PREX1: variants seen among roughly 807,000 people sequenced by gnomAD.
PREX1 encodes phosphatidylinositol 3,4,5-trisphosphate-dependent Rac exchanger 1 protein.
Under a neutral mutation model 198.3 loss-of-function variants are expected in PREX1, and 41 were observed. The ratio of observed to expected loss-of-function variants is 0.21; its 90% CI spans 0.16 to 0.27. PREX1 has a LOEUF of 0.27. Among genes scored for constraint, PREX1 ranks in the 10% least tolerant of loss-of-function variants. The pLI is 1.00. For missense variants in PREX1, 1,620 were observed against 2,200.7 expected (o/e 0.74, Z 5.28); for synonymous variants, 843 against 887.2 (o/e 0.95, Z 0.89).
the PREX1 span, among the ~76,000 whole-genome samples, chr20:48,840,568 C>G: frequency 6.6e-6 from 1 of 152,244 alleles, no homozygotes; most frequent in South Asian, 2.1e-4. Flanking sequence ...CAGAGACATT[C>G]AGGTGTGTGG....
chr20:48,886,418 A>G, the PREX1 span, among the ~76,000 whole-genome samples: 9 of 151,958 alleles, frequency 5.9e-5, no homozygotes, highest in Admixed American at 5.9e-4. Context: ...AGCCTGGCAC[A>G]CCCCCAGGCG....
chr20:48,782,442 G>A (rs1291894369), intron 1 of PREX1, among the ~76,000 whole-genome samples: 1 of 152,148 alleles, frequency 6.6e-6, no homozygotes, highest in Non-Finnish European at 1.5e-5. Flanking sequence ...GAAACTGTGA[G>A]TCCATTAAAC....
At chr20:48,688,585 G>A in intron 10 of PREX1, 72 bp downstream of exon 10, 1 of 1,589,182 alleles carries the variant, frequency 6.3e-7, no homozygotes, top group Non-Finnish European at 8.6e-7. Flanking sequence ...CTGCATGGGT[G>A]GATGGGGATG....
rs184619378 is a variant in PREX1 at position 48,823,001 on chromosome 20, A to T, written c.219+4641T>A. Among the ~76,000 whole-genome samples, 11 of 152,314 alleles carry T rather than the reference A, an allele frequency of 7.2e-5. No individual in the cohort carries two copies. The East Asian group carries it at 1.7e-3, about 24-fold the overall frequency. ...AGAATCTTTTAAAACAGAAAAAAAA[A>T]TAGTGACAACAAAAAACCACAGTTT... On this transcript the variant is annotated intron_variant, in intron 1 of 39. Transcript: ENST00000371941.
chr20:48,734,161 C>T (rs1052438175), intron 4 of PREX1, among the ~76,000 whole-genome samples: 2 of 152,214 alleles, frequency 1.3e-5, no homozygotes, highest in African/African-American at 2.4e-5. Context: ...AATTACTACT[C>T]TTGCTGCCAT....
chr20:48,790,914 T>C (rs549819612), intron 1 of PREX1, among the ~76,000 whole-genome samples: 13 of 152,146 alleles, frequency 8.5e-5, no homozygotes, highest in Non-Finnish European at 1.9e-4. Context: ...TGCTTACCTC[T>C]ACCCACCCTG....
the PREX1 span, among the ~76,000 whole-genome samples, chr20:48,835,923 G>A: frequency 6.6e-6 from 1 of 152,186 alleles, no homozygotes; most frequent in African/African-American, 2.4e-5. Flanking sequence ...GGGCCAGGGT[G>A]ATACCAGAGG....
intron 3 of PREX1, among the ~76,000 whole-genome samples, chr20:48,735,536 C>T (rs929166642): frequency 6.6e-6 from 1 of 152,166 alleles, no homozygotes; most frequent in East Asian, 1.9e-4. Context: ...TGAGCAGACA[C>T]CCTGAGCCAC....
chr20:48,833,443 CTT>C, the PREX1 span, among the ~76,000 whole-genome samples: 219 of 122,942 alleles, frequency 1.8e-3, no homozygotes, highest in African/African-American at 2.7e-3. Context: ...TCTTTTCTTT[CTT>C]TTTTTTTTTT....
chr20:48,703,773 C>G (rs763145564), intron 6 of PREX1, among the ~76,000 whole-genome samples: 1 of 152,230 alleles, frequency 6.6e-6, no homozygotes, highest in African/African-American at 2.4e-5. Flanking sequence ...TGGCCAAGCA[C>G]CACCTGGCAA....
At chr20:48,724,234 C>T (rs1166185078) in intron 5 of PREX1, among the ~76,000 whole-genome samples, 1 of 151,560 alleles carries the variant, frequency 6.6e-6, no homozygotes, top group African/African-American at 2.4e-5. Context: ...TACTACGTGG[C>T]CTTGGAAAGG....
At chr20:48,793,519 G>A (rs1044526813) in intron 1 of PREX1, among the ~76,000 whole-genome samples, 19 of 152,340 alleles carry the variant, frequency 1.2e-4, no homozygotes, top group African/African-American at 4.3e-4. Flanking sequence ...GGTACAGAGA[G>A]ATTAAGGGTA....
At chr20:48,680,097 A>G (rs6019372) in intron 11 of PREX1, among the ~76,000 whole-genome samples, 58,834 of 152,042 alleles carry the variant, frequency 0.39, 12,008 homozygotes, top group South Asian at 0.53. Context: ...GCATGTCCTT[A>G]GATCTAGATC....
At chr20:48,783,344 G>A (rs1164677075) in intron 1 of PREX1, among the ~76,000 whole-genome samples, 1 of 152,146 alleles carries the variant, frequency 6.6e-6, no homozygotes, top group Non-Finnish European at 1.5e-5. Flanking sequence ...GCCTGAGCAA[G>A]TGGAAGAATG....
rs866951467 is a variant in PREX1, at chr20:48,827,054, T to C, written c.219+588A>G. 1.3e-5 allele frequency among the ~76,000 whole-genome samples: 2 copies of C among 152,060 alleles called. No individual in the cohort carries two copies. Among genetic ancestry groups the C allele is most frequent in the South Asian group, 2.1e-4 (1 of 4,832 alleles). On this transcript the variant is annotated intron_variant, in intron 1 of 39. Transcript: ENST00000371941. The surrounding 1 kb of genome is among the most constrained non-coding windows in gnomAD (Gnocchi z 4.1). Reference sequence around the variant, plus strand: ...GGGAGTTGGTGGGGGTGGATGCAGTTAGGGAGCCTGGACTGCCGAGTTTTG... The same window carrying C: ...GGGAGTTGGTGGGGGTGGATGCAGTCAGGGAGCCTGGACTGCCGAGTTTTG...
intron 7 of PREX1, among the ~76,000 whole-genome samples, chr20:48,694,339 C>G (rs527970963): frequency 6.6e-6 from 1 of 152,312 alleles, no homozygotes; most frequent in Non-Finnish European, 1.5e-5. Context: ...TCAGGAGCCA[C>G]GGGAAGTCAC....
intron 3 of PREX1, among the ~76,000 whole-genome samples, chr20:48,742,635 C>T (rs952545439): frequency 6.6e-6 from 1 of 152,132 alleles, no homozygotes; most frequent in Non-Finnish European, 1.5e-5. Flanking sequence ...TCACCAGGTG[C>T]CTAGTTTGAT....
intron 1 of PREX1, among the ~76,000 whole-genome samples, chr20:48,791,909 T>G (rs966869328): frequency 2.0e-5 from 3 of 152,226 alleles, no homozygotes; most frequent in Admixed American, 1.3e-4. Flanking sequence ...TCAAGAGATC[T>G]GGCAATACCG....
rs1381418200 is a variant in PREX1, at chr20:48,659,965, C to T, written c.1835G>A (p.Arg612His). The T allele has an allele frequency of 1.5e-5, 24 of 1,614,114 alleles. No homozygotes were observed. Among genetic ancestry groups the T allele is most frequent in the African/African-American group, 4.0e-5 (3 of 74,944 alleles). Reference sequence around the variant, plus strand: ...GTTCTCCACCAGCTTGAAGTCGTTGCGAAGCTGTTTGTTCTTGCTGCTGGT... The same window carrying T: ...GTTCTCCACCAGCTTGAAGTCGTTGTGAAGCTGTTTGTTCTTGCTGCTGGT... ...EGTSSKNKQL[R>H]NDFKLVENIL... Residue 612 changes from arginine to histidine, a missense_variant, in exon 16 of 40, where the codon CGC becomes CAC. By Grantham distance (29) the Arg-to-His change is conservative. Coordinates refer to ENST00000371941, the MANE Select transcript of PREX1 (RefSeq NM_020820.4).
Sources: allele counts gnomAD v4.1 joint callset (sites outside exome capture counted in the v4.1 genomes callset), GRCh38; gene constraint gnomAD v4.1.1; non-coding constraint Gnocchi (gnomAD v3.1); transcripts MANE v1.5; gene names NCBI Gene and HGNC (gene_info 2026-07-23, HGNC 2026-07-21).